The following TAF5L variants were observed in gnomAD, a reference collection of about 807,000 sequenced individuals.
TAF5L encodes TAF5-like RNA polymerase II p300/CBP-associated factor-associated factor 65 kDa subunit 5L.
A neutral mutation model predicts 51.3 loss-of-function variants in TAF5L; 7 were observed. The ratio of observed to expected loss-of-function variants is 0.14; its 90% CI spans 0.08 to 0.26. The LOEUF (loss-of-function observed/expected upper bound fraction) is 0.26, where lower values mean the gene tolerates loss of function less well. TAF5L is among the 10% of genes least tolerant of loss of function. TAF5L has a pLI of 1.00. For synonymous variants in TAF5L, 291 were observed against 308.1 expected (o/e 0.94, Z 0.58); for missense variants, 575 against 758.9 (o/e 0.76, Z 2.85).
intron 4 of TAF5L, chr1:229,600,751 G>A: frequency 1.0e-6 from 1 of 985,366 alleles, no homozygotes; most frequent in Non-Finnish European, 1.2e-6. Flanking sequence ...AATAAACATA[G>A]GACAAGCCAC....
intron 1 of TAF5L, among the ~76,000 whole-genome samples, chr1:229,624,781 T>C (rs934309108): frequency 6.6e-6 from 1 of 152,148 alleles, no homozygotes; most frequent in Admixed American, 6.5e-5. Context: ...CAGATGCATT[T>C]AACCTATTAA....
intron 4 of TAF5L, chr1:229,600,889 C>T (rs1459021408): frequency 5.4e-5 from 53 of 984,930 alleles, no homozygotes; most frequent in Non-Finnish European, 6.1e-5. Context: ...AACTCTGTAT[C>T]ATCAAAGCTA....
At chr1:229,621,977 A>C (rs1294407414) in intron 1 of TAF5L, among the ~76,000 whole-genome samples, 1 of 152,102 alleles carries the variant, frequency 6.6e-6, no homozygotes, top group Non-Finnish European at 1.5e-5. Flanking sequence ...CCAAGCCATC[A>C]ATGCCTGTTC....
chr1:229,597,882 C>T (rs943113072), intron 4 of TAF5L, among the ~76,000 whole-genome samples: 7 of 152,150 alleles, frequency 4.6e-5, no homozygotes, highest in East Asian at 3.9e-4. Flanking sequence ...TTGTTATGGC[C>T]GTCTGCTCCT....
intron 4 of TAF5L, chr1:229,601,471 T>C: frequency 1.0e-6 from 1 of 985,422 alleles, no homozygotes; most frequent in South Asian, 4.7e-5. Context: ...TGGCCCACAT[T>C]TTTTCTAAGG....
At chr1:229,600,577 C>A in intron 4 of TAF5L, 1 of 985,486 alleles carries the variant, frequency 1.0e-6, no homozygotes, top group Non-Finnish European at 1.2e-6. Context: ...ACTGCCACTA[C>A]CCTAGTTTGG....
intron 1 of TAF5L, among the ~76,000 whole-genome samples, chr1:229,622,150 C>T (rs74144420): frequency 0.14 from 20,598 of 151,886 alleles, 2,120 homozygotes; most frequent in East Asian, 0.42. Context: ...AACACTTGCA[C>T]TTTGTGATAC....
At chr1:229,618,516 A>C (rs1305426551) in intron 1 of TAF5L, among the ~76,000 whole-genome samples, 1 of 152,204 alleles carries the variant, frequency 6.6e-6, no homozygotes, top group Non-Finnish European at 1.5e-5. Flanking sequence ...ATGTATATCT[A>C]TTCTCATGTA....
At chr1:229,606,596 G>C (rs1664603951) in intron 3 of TAF5L, 1 of 985,372 alleles carries the variant, frequency 1.0e-6, no homozygotes, top group African/African-American at 1.7e-5. Context: ...CCTTTATTCT[G>C]AAAGCCCACA....
chr1:229,599,856 T>C (rs1558144951), intron 4 of TAF5L: 4 of 985,358 alleles, frequency 4.1e-6, no homozygotes, highest in South Asian at 9.4e-5. Context: ...CTGTATTCAC[T>C]GATTTATGTA....
Position 229,625,236 on chromosome 1 carries a change from T to C in TAF5L, c.-4+649A>G, listed in dbSNP as rs1314107493. ...CTTATCGAATACATTTTCAAAAGCCTGGCAGCTTCGCGAGCTGGAGGTGGT... is the reference window on the plus strand; with the variant it reads ...CTTATCGAATACATTTTCAAAAGCCCGGCAGCTTCGCGAGCTGGAGGTGGT... On this transcript the variant is annotated intron_variant, in intron 1 of 4. Coordinates refer to ENST00000258281, the Ensembl canonical transcript of TAF5L. This position sits in a 1 kb window ranked among gnomAD's most constrained non-coding sequence, Gnocchi z 4.0. Among the ~76,000 whole-genome samples, 1 of 152,164 alleles carries C rather than the reference T, an allele frequency of 6.6e-6. No individual in the cohort carries two copies. The highest frequency in any genetic ancestry group is 1.5e-5 in the Non-Finnish European group (1 of 68,032).
intron 1 of TAF5L, among the ~76,000 whole-genome samples, chr1:229,616,056 CCAGACTGG>C (rs1453353153): frequency 2.0e-5 from 3 of 152,070 alleles, no homozygotes; most frequent in Non-Finnish European, 4.4e-5. Context: ...GCTCTGTCAC[CCAGACTGG>C]AGTGCAATGG....
rs1369981956 is a variant in TAF5L, at chr1:229,625,805, C to A, written c.-4+80G>T. 1.4e-5 allele frequency: 2 copies of A among 138,982 alleles called. No individual in the cohort carries two copies. The highest frequency in any genetic ancestry group is 5.2e-5 in the African/African-American group (2 of 38,636). 8.6% of individuals were successfully genotyped at this position (138,982 alleles called of 1,614,324 possible). A position where few individuals can be genotyped will look rare whatever the true frequency, so the allele number is the denominator to read the frequency against. Reference sequence around the variant, plus strand: ...AAGGCGCGCCCCGCCGAGGCCCCACCGCCCCGGCCCCCGCCCGCCCGCGCG... The same window carrying A: ...AAGGCGCGCCCCGCCGAGGCCCCACAGCCCCGGCCCCCGCCCGCCCGCGCG... On this transcript the variant is annotated intron_variant, in intron 1 of 4. Coordinates refer to ENST00000258281, the Ensembl canonical transcript of TAF5L. The surrounding 1 kb of genome is among the most constrained non-coding windows in gnomAD (Gnocchi z 4.0).
chr1:229,624,293 G>T (rs1665336143), intron 1 of TAF5L, among the ~76,000 whole-genome samples: 2 of 152,164 alleles, frequency 1.3e-5, no homozygotes, highest in Non-Finnish European at 2.9e-5. Context: ...ATTTGTTGTT[G>T]ATGACAAAGA....
intron 3 of TAF5L, among the ~76,000 whole-genome samples, chr1:229,608,612 TAG>T (rs2102754621): frequency 1.3e-5 from 2 of 152,338 alleles, no homozygotes; most frequent in East Asian, 3.9e-4. Flanking sequence ...ACTCAGTTTT[TAG>T]AAAGTTATTT....
chr1:229,616,211 A>C (rs765920132), intron 1 of TAF5L, among the ~76,000 whole-genome samples: 11 of 151,946 alleles, frequency 7.2e-5, no homozygotes, highest in Non-Finnish European at 1.2e-4. Context: ...ATGGGGTTTC[A>C]CCATGTTGGC....
chr1:229,596,595 G>A (rs1041118922), intron 4 of TAF5L, among the ~76,000 whole-genome samples: 6 of 152,220 alleles, frequency 3.9e-5, no homozygotes, highest in Non-Finnish European at 8.8e-5. Flanking sequence ...TCCTGTGTGT[G>A]ACGACAGAAA....
chr1:229,609,384 A>C (rs1327662120), intron 3 of TAF5L, among the ~76,000 whole-genome samples: 1 of 152,232 alleles, frequency 6.6e-6, no homozygotes, highest in Non-Finnish European at 1.5e-5. Flanking sequence ...TTGCTACAGA[A>C]CTGTAATGAT....
chr1:229,600,753 A>T (rs766451362), intron 4 of TAF5L: 24 of 985,342 alleles, frequency 2.4e-5, no homozygotes, highest in East Asian at 2.3e-4. Context: ...TAAACATAGG[A>T]CAAGCCACAG....
Sources: gnomAD v4.1 joint callset for allele counts (sites outside exome capture counted in the v4.1 genomes callset) on GRCh38, gnomAD v4.1.1 for gene constraint, Gnocchi (gnomAD v3.1) non-coding constraint, MANE v1.5 for transcripts, NCBI Gene and HGNC (gene_info 2026-07-23, HGNC 2026-07-21) for gene names.